Variants in NAALADL1 observed in about 807,000 individuals in gnomAD.
The protein encoded by NAALADL1 is aminopeptidase NAALADL1.
NAALADL1 carries 77 observed loss-of-function variants against 82.8 expected under a neutral mutation model. That is an observed-to-expected ratio of 0.93 (90% CI 0.77 to 1.12). NAALADL1 has a LOEUF of 1.12. NAALADL1 is among the 50% of genes most tolerant of loss of function. The pLI, the probability that NAALADL1 is intolerant of heterozygous loss-of-function variation, is 0.00. For missense variants in NAALADL1, 956 were observed against 964.0 expected (o/e 0.99, Z 0.11); for synonymous variants, 358 against 399.2 (o/e 0.90, Z 1.23).
At position 65,053,659 on chromosome 11, in the gene NAALADL1, C is replaced by T; in HGVS notation, c.993-83G>A. 1 of 1,272,918 alleles carries T rather than the reference C, an allele frequency of 7.9e-7. No individual in the cohort carries two copies. Among genetic ancestry groups the T allele is most frequent in the Non-Finnish European group, 1.1e-6 (1 of 923,372 alleles). The allele number at this position is 1,272,918 out of a possible 1,614,324, so 78.9% of individuals were successfully genotyped here. ...GTGCAGGAGACACTGAGGCCCGGAG[C>T]TGGAAAGTGACGTGGCAAGGCCATT... On this transcript the variant is annotated intron_variant, in intron 6 of 17. Transcript: ENST00000358658. This position sits in a 1 kb window ranked among gnomAD's most constrained non-coding sequence, Gnocchi z 4.3.
upstream of NAALADL1, chr11:65,058,699 T>C (rs1220438967): frequency 3.2e-6 from 2 of 621,868 alleles, no homozygotes; most frequent in Non-Finnish European, 2.7e-6. Flanking sequence ...ATCCACCACA[T>C]CCTGCACCAT....
At position 65,054,859 on chromosome 11, in the gene NAALADL1, C is replaced by T. The variant is rs1475696174; in HGVS notation, c.604-121G>A. 3.5e-5 allele frequency: 46 copies of T among 1,313,012 alleles called. No individual in the cohort carries two copies. Among genetic ancestry groups the T allele is most frequent in the Admixed American group, 5.1e-5 (2 of 39,176 alleles). 81.3% of individuals were successfully genotyped at this position (1,313,012 alleles called of 1,614,324 possible). ...GACCAATCTTCCATGGGCAAGATGACGTTTGCACAAGTCATTTATGGCAGT... is the reference window on the plus strand; with the variant it reads ...GACCAATCTTCCATGGGCAAGATGATGTTTGCACAAGTCATTTATGGCAGT... On this transcript the variant is annotated intron_variant, in intron 4 of 17. Coordinates refer to ENST00000358658, the MANE Select transcript of NAALADL1 (RefSeq NM_005468.3). This position sits in a 1 kb window ranked among gnomAD's most constrained non-coding sequence, Gnocchi z 4.3.
At chr11:65,057,333 C>T (rs751123971) in intron 4 of NAALADL1, 38 bp downstream of exon 4, 3 of 1,571,268 alleles carry the variant, frequency 1.9e-6, no homozygotes, top group Admixed American at 3.7e-5. Flanking sequence ...CAGCCCCTTC[C>T]TCACCGAGGC....
rs1230523208 is a variant in NAALADL1, at chr11:65,054,278, G to A, written c.964C>T (p.Arg322Trp). ...GCHYRLGPGF[R>W]PDGDFPADSQ... Reference sequence around the variant, plus strand: ...TCTGCTGGGAAGTCTCCGTCAGGCCGGAAGCCGGGACCCAACCTGTAGTGG... The same window carrying A: ...TCTGCTGGGAAGTCTCCGTCAGGCCAGAAGCCGGGACCCAACCTGTAGTGG... The change falls in exon 6 of 18, where the codon CGG (arginine) becomes TGG (tryptophan). Residue 322 changes from arginine (R) to tryptophan (W), a missense_variant. Arg to Trp is a moderately radical substitution (Grantham distance 101). Transcript: ENST00000358658. The surrounding 1 kb of genome is among the most constrained non-coding windows in gnomAD (Gnocchi z 4.3). The A allele has an allele frequency of 5.0e-6, 8 of 1,613,946 alleles. No individual in the cohort carries two copies. The highest frequency in any genetic ancestry group is 3.3e-5 in the Admixed American group (2 of 59,972).
upstream of NAALADL1, among the ~76,000 whole-genome samples, chr11:65,058,966 C>A (rs1007417249): frequency 6.6e-6 from 1 of 152,122 alleles, no homozygotes; most frequent in Non-Finnish European, 1.5e-5. Context: ...TCTTGCTGGA[C>A]GTAAGCTGTG....
chr11:65,046,199 G>A lies in NAALADL1; in HGVS notation c.1845C>T (p.Ser615=), dbSNP rs777899499. The A allele has an allele frequency of 1.9e-6, 3 of 1,614,014 alleles. No homozygotes were observed. In the African/African-American group the frequency reaches 4.0e-5, roughly 22 times the overall value. ...QDLGALLEQH[S]ISLGPLVTAV... ...CAGGGCTGTGCATACCCAGGCTGATGCTGTGCTGCTCCAGCAGGGCCCCAA... is the reference window on the plus strand; with the variant it reads ...CAGGGCTGTGCATACCCAGGCTGATACTGTGCTGCTCCAGCAGGGCCCCAA... The change falls in exon 15 of 18, where the codon AGC becomes AGT. Residue 615 remains serine (S), a synonymous_variant. Coordinates refer to ENST00000358658, the MANE Select transcript of NAALADL1 (RefSeq NM_005468.3).
Position 65,046,543 on chromosome 11 carries a change from C to T in NAALADL1, c.1600-17G>A, listed in dbSNP as rs376270932. ...AGTCTTGCTCTGGGGGAACAAAGCC[C>T]AGAGGTGACAGGCTTGGGATGGGAA... On this transcript the variant is annotated splice_polypyrimidine_tract_variant and intron_variant, in intron 13 of 17. Coordinates refer to ENST00000358658, the MANE Select transcript of NAALADL1 (RefSeq NM_005468.3). 1.3e-4 allele frequency: 202 copies of T among 1,612,958 alleles called. No individual in the cohort carries two copies. The highest frequency in any genetic ancestry group is 3.8e-4 in the Admixed American group (23 of 59,986).
chr11:65,058,967 G>A (rs560014434), upstream of NAALADL1, among the ~76,000 whole-genome samples: 6 of 152,066 alleles, frequency 3.9e-5, no homozygotes, highest in Middle Eastern at 3.5e-3. Flanking sequence ...CTTGCTGGAC[G>A]TAAGCTGTGT....
chr11:65,058,219 T>G lies in NAALADL1; in HGVS notation c.217A>C (p.Ser73Arg), dbSNP rs375064995. Residue 73 changes from serine to arginine, a missense_variant, in exon 2 of 18, where the codon AGC becomes CGC. Physicochemically the swap from Ser to Arg is moderately radical, Grantham distance 110. Coordinates refer to ENST00000358658, the MANE Select transcript of NAALADL1 (RefSeq NM_005468.3). ...ELSREPHLAS[S>R]PRDEDLVQLL... ...TGCACCAGGTCCTCATCCCGAGGGC[T>G]GGAGGCCAGGTGTGGCTCCCTGGAG... The G allele has an allele frequency of 6.8e-6, 11 of 1,613,486 alleles. No homozygotes were observed. The highest frequency in any genetic ancestry group is 1.3e-5 in the African/African-American group (1 of 74,886).
chr11:65,057,450 T>C lies in NAALADL1; in HGVS notation c.524A>G (p.Lys175Arg), dbSNP rs1947070827. 6.2e-7 allele frequency: 1 copy of C among 1,614,058 alleles called. No homozygotes were observed. Among genetic ancestry groups the C allele is most frequent in the African/African-American group, 1.3e-5 (1 of 74,932 alleles). ...YANRGAEEDF[K>R]ELQTQGIKLE... ...TTTGATGCCCTGAGTCTGTAGCTCC[T>C]TAAAGTCTTCTTCCGCGCCCCGGTT... Residue 175 changes from lysine to arginine, a missense_variant, in exon 4 of 18, where the codon AAG becomes AGG. Coordinates refer to ENST00000358658, the MANE Select transcript of NAALADL1 (RefSeq NM_005468.3).
intron 11 of NAALADL1, 46 bp from the exon 12 acceptor site, chr11:65,047,784 C>T (rs1279093953): frequency 6.5e-7 from 1 of 1,548,242 alleles, no homozygotes. Flanking sequence ...CCTCCCCAGC[C>T]CCAACAACAG....
chr11:65,051,315 CTTTTTTTTTTTTTTTTTTTTTTTTTTTT>C (rs10535126), intron 8 of NAALADL1, among the ~76,000 whole-genome samples: 3 of 59,508 alleles, frequency 5.0e-5, no homozygotes, highest in African/African-American at 6.4e-5. Context: ...TTCTTTCTTT[CTTTTTTTTTTTTTTTTTTTTTTTTTTTT>C]TTTTTTTTTT....
rs781237646 is a variant in NAALADL1 at position 65,058,000 on chromosome 11, T to C, written c.359-4A>G. On this transcript the variant is annotated splice_polypyrimidine_tract_variant and splice_region_variant and intron_variant, in intron 2 of 17. Coordinates refer to ENST00000358658, the MANE Select transcript of NAALADL1 (RefSeq NM_005468.3). ...ATGATGCCCCCAGTGGGGCCCACTGTTGGAGGGGTGGCAGTATCATGGCTG... is the reference window on the plus strand; with the variant it reads ...ATGATGCCCCCAGTGGGGCCCACTGCTGGAGGGGTGGCAGTATCATGGCTG... 5.0e-6 allele frequency: 8 copies of C among 1,613,978 alleles called. 1 individual carries two copies. The South Asian group carries it at 8.8e-5, about 18-fold the overall frequency.
At chr11:65,055,722 G>T (rs1947019506) in intron 4 of NAALADL1, among the ~76,000 whole-genome samples, 1 of 152,040 alleles carries the variant, frequency 6.6e-6, no homozygotes, top group African/African-American at 2.4e-5. Context: ...ATGATGAAAA[G>T]GTTCTGGAAA....
intron 8 of NAALADL1, among the ~76,000 whole-genome samples, chr11:65,051,783 TGAA>T (rs1394142065): frequency 6.6e-6 from 1 of 152,182 alleles, no homozygotes; most frequent in Non-Finnish European, 1.5e-5. Flanking sequence ...TAAGGGAAGA[TGAA>T]GAAGTTCTGG....
Position 65,053,454 on chromosome 11 carries a change from A to G in NAALADL1, c.1078+37T>C. On this transcript the variant is annotated intron_variant, in intron 7 of 17. Transcript: ENST00000358658. This position sits in a 1 kb window ranked among gnomAD's most constrained non-coding sequence, Gnocchi z 4.3. ...AGGACAGCGGCATCCAGAGCAGAGCAGGGGCCTGGGGTGCAGGCAGCAAGA... is the reference window on the plus strand; with the variant it reads ...AGGACAGCGGCATCCAGAGCAGAGCGGGGGCCTGGGGTGCAGGCAGCAAGA... 6.2e-7 allele frequency: 1 copy of G among 1,612,582 alleles called. No homozygotes were observed. The highest frequency in any genetic ancestry group is 1.3e-5 in the African/African-American group (1 of 74,982).
chr11:65,045,835 C>T lies in NAALADL1; in HGVS notation c.2023G>A (p.Glu675Lys), dbSNP rs144988552. 51 of 1,613,890 alleles carry T rather than the reference C, an allele frequency of 3.2e-5. No individual in the cohort carries two copies. Among genetic ancestry groups the T allele is most frequent in the African/African-American group, 2.5e-4 (19 of 74,924 alleles). ...GGACAGACTCACCTGTAGTAGCGTT[C>T]CTCTGGGAAGGCTCTAGGGTTCAGA... Reference protein sequence around the residue: ...TFLNPRAFPEERYYSHVLWAP... With the variant: ...TFLNPRAFPEKRYYSHVLWAP... The change falls in exon 17 of 18, where the codon GAA (glutamate) becomes AAA (lysine). Residue 675 changes from glutamate (E) to lysine (K), a missense_variant. Coordinates refer to ENST00000358658, the MANE Select transcript of NAALADL1 (RefSeq NM_005468.3).
chr11:65,050,967 T>C (rs1205376169), intron 8 of NAALADL1, among the ~76,000 whole-genome samples: 2 of 152,044 alleles, frequency 1.3e-5, no homozygotes, highest in Non-Finnish European at 2.9e-5. Context: ...GCTGGGATTA[T>C]TGGCATGAGT....
chr11:65,052,408 G>A (rs1946913573), intron 8 of NAALADL1, among the ~76,000 whole-genome samples: 1 of 152,070 alleles, frequency 6.6e-6, no homozygotes, highest in Admixed American at 6.6e-5. Flanking sequence ...CTGCCTCCCA[G>A]GTTCAAATGA....
Sources: allele counts gnomAD v4.1 joint callset (sites outside exome capture counted in the v4.1 genomes callset), GRCh38; gene constraint gnomAD v4.1.1; non-coding constraint Gnocchi (gnomAD v3.1); transcripts MANE v1.5; gene names NCBI Gene and HGNC (gene_info 2026-07-23, HGNC 2026-07-21).